The following TBCA variants were observed in gnomAD, a reference collection of about 807,000 sequenced individuals.
The protein encoded by TBCA is tubulin-specific chaperone A.
A neutral mutation model predicts 15.8 loss-of-function variants in TBCA; 6 were observed. The observed-to-expected ratio is 0.38, with a 90% CI of 0.21 to 0.75. The LOEUF is 0.75. TBCA is among the 30% of genes least tolerant of loss of function. TBCA has a pLI of 0.46. For synonymous variants in TBCA, 32 were observed against 42.3 expected (o/e 0.76, Z 0.94); for missense variants, 90 against 131.2 (o/e 0.69, Z 1.53).
intron 1 of TBCA, among the ~76,000 whole-genome samples, chr5:77,762,238 T>G (rs1747660295): frequency 6.6e-6 from 1 of 152,132 alleles, no homozygotes; most frequent in African/African-American, 2.4e-5. Flanking sequence ...TATTGCCCAT[T>G]TAAAAGAAAT....
intron 2 of TBCA, among the ~76,000 whole-genome samples, chr5:77,702,759 T>C (rs1445610007): frequency 1.3e-5 from 2 of 152,218 alleles, no homozygotes; most frequent in Non-Finnish European, 2.9e-5. Context: ...CGACACCTCT[T>C]TGAATATCTT....
intron 1 of TBCA, among the ~76,000 whole-genome samples, chr5:77,763,125 T>A (rs1039154289): frequency 1.1e-4 from 16 of 152,128 alleles, no homozygotes; most frequent in African/African-American, 3.9e-4. Flanking sequence ...GCGCCTGTAG[T>A]CCCAGCTACG....
intron 1 of TBCA, among the ~76,000 whole-genome samples, chr5:77,709,601 A>G (rs75469884): frequency 0.017 from 2,519 of 152,292 alleles, 66 homozygotes; most frequent in African/African-American, 0.057. Flanking sequence ...CAAAATTGGT[A>G]TAGTAGCTTT....
intron 2 of TBCA, among the ~76,000 whole-genome samples, chr5:77,699,896 G>C (rs2112426799): frequency 6.6e-6 from 1 of 151,944 alleles, no homozygotes. Context: ...AAATTAGCTG[G>C]GCATGGTGGC....
chr5:77,694,452 T>C (rs942297525), intron 2 of TBCA, among the ~76,000 whole-genome samples: 1 of 151,832 alleles, frequency 6.6e-6, no homozygotes, highest in Admixed American at 6.6e-5. Context: ...ACACATCAAA[T>C]CATGAAAGAA....
chr5:77,756,187 T>C (rs1747473345), intron 1 of TBCA, among the ~76,000 whole-genome samples: 1 of 152,156 alleles, frequency 6.6e-6, no homozygotes, highest in Admixed American at 6.5e-5. Flanking sequence ...GACTCAACAG[T>C]GTGTCACCAT....
At chr5:77,715,405 A>T in intron 1 of TBCA, 1 of 617,716 alleles carries the variant, frequency 1.6e-6, no homozygotes, top group South Asian at 2.0e-5. Flanking sequence ...GTGAGCTCTT[A>T]TGAAAACATC....
chr5:77,728,788 T>C (rs1289858223), intron 1 of TBCA, among the ~76,000 whole-genome samples: 2 of 151,964 alleles, frequency 1.3e-5, no homozygotes, highest in African/African-American at 2.4e-5. Context: ...CCTGACATAG[T>C]AGGTCTCTAT....
intron 1 of TBCA, among the ~76,000 whole-genome samples, chr5:77,729,673 A>T (rs1346986176): frequency 6.6e-6 from 1 of 152,220 alleles, no homozygotes; most frequent in African/African-American, 2.4e-5. Flanking sequence ...AGACAGGATG[A>T]TCTCACAAAT....
chr5:77,722,932 AG>A (rs1024249348), intron 1 of TBCA, among the ~76,000 whole-genome samples: 8 of 151,878 alleles, frequency 5.3e-5, no homozygotes, highest in African/African-American at 1.9e-4. Flanking sequence ...TCTCTATGAT[AG>A]TATAATATTA....
chr5:77,744,531 C>CTTTT (rs70991305), intron 1 of TBCA, among the ~76,000 whole-genome samples: 2,913 of 82,904 alleles, frequency 0.035, 382 homozygotes, highest in African/African-American at 0.12. Flanking sequence ...TCTTATTCAC[C>CTTTT]TTTTTTTTTT....
At chr5:77,737,326 C>T (rs1746932102) in intron 1 of TBCA, among the ~76,000 whole-genome samples, 1 of 152,172 alleles carries the variant, frequency 6.6e-6, no homozygotes, top group African/African-American at 2.4e-5. Context: ...GCTTGCCTCT[C>T]TCTAGTGATT....
At chr5:77,699,308 T>C (rs761132747) in intron 2 of TBCA, among the ~76,000 whole-genome samples, 2 of 151,968 alleles carry the variant, frequency 1.3e-5, no homozygotes, top group Non-Finnish European at 2.9e-5. Flanking sequence ...AAAATAATTT[T>C]GAAAAAAATA....
intron 1 of TBCA, chr5:77,715,129 C>T (rs888683083): frequency 1.4e-5 from 9 of 640,406 alleles, no homozygotes; most frequent in African/African-American, 7.3e-5. Flanking sequence ...TTCAAAGAGG[C>T]AATAAGCTAT....
rs555237726 is a variant in TBCA at position 77,745,580 on chromosome 5, C to T, written c.53+30625G>A. ...TTAAGCTAGGGTGTATCATGAATTA[C>T]GTGTTAAACAGCACTTACACTCTTT... On this transcript the variant is annotated intron_variant, in intron 1 of 3. Coordinates refer to ENST00000380377, the MANE Select transcript of TBCA (RefSeq NM_004607.3). Among the ~76,000 whole-genome samples the T allele has an allele frequency of 4.6e-5, 7 of 152,282 alleles. No homozygotes were observed. The South Asian group carries it at 1.2e-3, about 27-fold the overall frequency.
At chr5:77,760,405 T>A (rs1415913798) in intron 1 of TBCA, among the ~76,000 whole-genome samples, 2 of 152,132 alleles carry the variant, frequency 1.3e-5, no homozygotes, top group African/African-American at 4.8e-5. Context: ...TTTCCTTTCC[T>A]TTCCTCCTTT....
At chr5:77,737,074 A>G (rs141799487) in intron 1 of TBCA, among the ~76,000 whole-genome samples, 1 of 152,338 alleles carries the variant, frequency 6.6e-6, no homozygotes, top group Non-Finnish European at 1.5e-5. Context: ...AGGACGATAG[A>G]GCTTACAATT....
chr5:77,726,377 C>T (rs1206861629), intron 1 of TBCA, among the ~76,000 whole-genome samples: 1 of 152,164 alleles, frequency 6.6e-6, no homozygotes, highest in Non-Finnish European at 1.5e-5. Flanking sequence ...AGTATCAGAA[C>T]ATGCCATCAC....
intron 1 of TBCA, among the ~76,000 whole-genome samples, chr5:77,729,688 A>G (rs1746718538): frequency 1.3e-5 from 2 of 152,210 alleles, no homozygotes; most frequent in African/African-American, 2.4e-5. Context: ...ACAAATAACA[A>G]AAAGTACACT....
Sources: gnomAD v4.1 joint callset for allele counts (sites outside exome capture counted in the v4.1 genomes callset) on GRCh38, gnomAD v4.1.1 for gene constraint, MANE v1.5 for transcripts, NCBI Gene and HGNC (gene_info 2026-07-23, HGNC 2026-07-21) for gene names.